TSC2: variants seen among roughly 807,000 people sequenced by gnomAD.
TSC2 encodes TSC complex subunit 2.
A neutral mutation model predicts 202.2 loss-of-function variants in TSC2; 29 were observed. The observed-to-expected ratio is 0.14, with a 90% confidence interval of 0.11 to 0.20. The LOEUF is 0.20. Among genes scored for constraint, TSC2 ranks in the 10% least tolerant of loss-of-function variants. The probability of loss-of-function intolerance (pLI) is 1.00; values close to 1 mark genes in which losing one functional copy is unlikely to be tolerated. For missense variants in TSC2, 2,429 were observed against 2,420.0 expected (o/e 1.00, Z -0.08); for synonymous variants, 1,349 against 1,044.0 (o/e 1.29, Z -5.63).
intron 5 of TSC2, chr16:2,055,128 G>T (rs2085608143): frequency 1.9e-6 from 1 of 530,822 alleles, no homozygotes; most frequent in Non-Finnish European, 3.4e-6. Flanking sequence ...TGGGCCCTGA[G>T]TGTACGGCAT....
rs968947451 is a variant in TSC2 at position 2,087,072 on chromosome 16, C to T, written c.4989+201C>T. On this transcript the variant is annotated intron_variant, in intron 38 of 41. Coordinates refer to ENST00000219476, the MANE Select transcript of TSC2 (RefSeq NM_000548.5). ...GCCCTGAAGCCTGTGGCGCCTGCTG[C>T]TGAGTGTCTGTCAGGAGTAACTGGC... 55 of 756,414 alleles carry T rather than the reference C, an allele frequency of 7.3e-5. No individual in the cohort carries two copies. The East Asian group carries it at 1.2e-3, about 16-fold the overall frequency. The allele number at this position is 756,414 out of a possible 1,614,324, so 46.9% of individuals were successfully genotyped here.
chr16:2,053,852 C>A, intron 4 of TSC2: 1 of 489,040 alleles, frequency 2.0e-6, no homozygotes, highest in Non-Finnish European at 4.0e-6. Flanking sequence ...AACACCCAGG[C>A]CTCTTGGTGT....
intron 5 of TSC2, 32 bp from the exon 6 acceptor site, chr16:2,055,370 G>A (rs372028794): frequency 6.5e-5 from 103 of 1,579,482 alleles, no homozygotes; most frequent in Middle Eastern, 3.6e-4. Flanking sequence ...TAGATTCGGC[G>A]TCCTCGCAAA....
rs2151164864 is a variant in TSC2, at chr16:2,062,574, G to T, written c.1335G>T (p.Leu445=). The T allele has an allele frequency of 6.2e-7, 1 of 1,611,106 alleles. No individual in the cohort carries two copies. Among genetic ancestry groups the T allele is most frequent in the South Asian group, 1.1e-5 (1 of 90,284 alleles). The change falls in exon 13 of 42, where the codon CTG becomes CTT. Residue 445 remains leucine (L), a synonymous_variant. Coordinates refer to ENST00000219476, the MANE Select transcript of TSC2 (RefSeq NM_000548.5). ...HPAKDGWIQN[L]QALMERFFRS... ...CCAAGGACGGCTGGATTCAGAACCT[G>T]CAGGCGCTGATGGAGAGATTCTTCA...
rs894728030 is a variant in TSC2, at chr16:2,081,962, C to T, written c.3814+164C>T. 59 of 1,027,138 alleles carry T rather than the reference C, an allele frequency of 5.7e-5. 1 individual carries two copies. Among genetic ancestry groups the T allele is most frequent in the South Asian group, 2.9e-4 (21 of 71,314 alleles). The allele number at this position is 1,027,138 out of a possible 1,614,324, so 63.6% of individuals were successfully genotyped here. ...TCCGGTGTTTGGGAGGAGGCTGACC[C>T]GTGGGAGGTGTCTGCCCTGCTCAGG... is the stretch of plus-strand genomic sequence containing the variant. On this transcript the variant is annotated intron_variant, in intron 31 of 41. Transcript: ENST00000219476.
rs2151172305 is a variant in TSC2 at position 2,063,019 on chromosome 16, C to T, written c.1409C>T (p.Ser470Phe). 6.4e-7 allele frequency: 1 copy of T among 1,551,522 alleles called. No individual in the cohort carries two copies. Among genetic ancestry groups the T allele is most frequent in the Non-Finnish European group, 8.7e-7 (1 of 1,146,928 alleles). Residue 470 changes from serine (S) to phenylalanine (F), a missense_variant, in exon 14 of 42, where the codon TCC becomes TTC. Physicochemically the swap from Ser to Phe is radical, Grantham distance 155. Coordinates refer to ENST00000219476, the MANE Select transcript of TSC2 (RefSeq NM_000548.5). ...AVRIKVLDVL[S>F]FVLLINRQFY... Reference sequence around the variant, plus strand: ...CGCATCAAGGTGCTGGACGTGCTGTCCTTTGTGCTGCTCATCAACAGGCAG... The same window carrying T: ...CGCATCAAGGTGCTGGACGTGCTGTTCTTTGTGCTGCTCATCAACAGGCAG...
chr16:2,061,856 T>C lies in TSC2; in HGVS notation c.1120-15T>C. 6.2e-7 allele frequency: 1 copy of C among 1,614,070 alleles called. No homozygotes were observed. The highest frequency in any genetic ancestry group is 8.5e-7 in the Non-Finnish European group (1 of 1,180,014). The stretch of plus-strand genomic sequence containing the variant: ...GAGTGGAAGTCAGCCTGTGTCATCG[T>C]GCCTGGTACTGCAGACCTTGGACAG... On this transcript the variant is annotated splice_polypyrimidine_tract_variant and intron_variant, in intron 11 of 41. Transcript: ENST00000219476.
rs45517215 is a variant in TSC2 at position 2,072,296 on chromosome 16, G to C, written c.2153G>C (p.Arg718Pro). ...CTGGGCAGGCTGCCTGAGTCCCTGC[G>C]CTATAAAGTGCTCATCTTTACTTCC... ...LVLGRLPESLRYKVLIFTSPC... is the reference protein window; with the variant it reads ...LVLGRLPESLPYKVLIFTSPC... Residue 718 changes from arginine to proline, a missense_variant, in exon 20 of 42, where the codon CGC (arginine) becomes CCC (proline). Arg to Pro is a moderately radical substitution (Grantham distance 103). Coordinates refer to ENST00000219476, the MANE Select transcript of TSC2 (RefSeq NM_000548.5). 9.9e-5 allele frequency: 159 copies of C among 1,613,990 alleles called. No individual in the cohort carries two copies. Among genetic ancestry groups the C allele is most frequent in the Non-Finnish European group, 2.8e-5 (33 of 1,180,046 alleles).
intron 35 of TSC2, 48 bp from the exon 36 acceptor site, chr16:2,085,182 T>G (rs558509057): frequency 6.2e-7 from 1 of 1,611,330 alleles, no homozygotes; most frequent in Non-Finnish European, 8.5e-7. Flanking sequence ...TGGGGCGGCC[T>G]CCTGTGGACG....
chr16:2,060,160 CCCCGTGA>C (rs763741327), intron 10 of TSC2, among the ~76,000 whole-genome samples: 5 of 152,152 alleles, frequency 3.3e-5, no homozygotes, highest in African/African-American at 7.2e-5. Context: ...TTCCGCAGTG[CCCCGTGA>C]TGACAGCGCT....
intron 17 of TSC2, 95 bp downstream of exon 17, chr16:2,070,673 C>T (rs1444962603): frequency 4.2e-5 from 67 of 1,582,328 alleles, no homozygotes; most frequent in Non-Finnish European, 1.6e-5. Flanking sequence ...AGAGACGGCC[C>T]CAGGATGGGG....
chr16:2,063,661 G>A (rs369482971), intron 14 of TSC2: 121 of 220,250 alleles, frequency 5.5e-4, no homozygotes, highest in Middle Eastern at 1.9e-3. Flanking sequence ...TCTCCCCAGC[G>A]TCCACTGTCC....
In TSC2 at chr16:2,071,831, C is replaced by T. The variant is rs2088458769; in HGVS notation, c.1994C>T (p.Pro665Leu). 1 of 1,596,454 alleles carries T rather than the reference C, an allele frequency of 6.3e-7. No individual in the cohort carries two copies. The highest frequency in any genetic ancestry group is 8.5e-7 in the Non-Finnish European group (1 of 1,172,172). Residue 665 changes from proline (P) to leucine (L), a missense_variant, in exon 19 of 42, where the codon CCT (proline) becomes CTT (leucine). Pro to Leu is a moderately conservative substitution (Grantham distance 98, BLOSUM62 -3). Coordinates refer to ENST00000219476, the MANE Select transcript of TSC2 (RefSeq NM_000548.5). ...SEKKTSGPLSPPTGPPGPAPA... is the reference protein window; with the variant it reads ...SEKKTSGPLSLPTGPPGPAPA... ...AAGAAGACCAGCGGCCCCCTTTCTC[C>T]TCCCACAGGGCCTCCTGGCCCGGCG...
Position 2,065,521 on chromosome 16 carries a change from G to A in TSC2, c.1602G>A (p.Val534=), listed in dbSNP as rs2151206157. 6.2e-7 allele frequency: 1 copy of A among 1,609,268 alleles called. No homozygotes were observed. The highest frequency in any genetic ancestry group is 8.5e-7 in the Non-Finnish European group (1 of 1,177,182). Residue 534 remains valine (V), a splice_region_variant and synonymous_variant, in exon 16 of 42, where the codon GTG becomes GTA. Coordinates refer to ENST00000219476, the MANE Select transcript of TSC2 (RefSeq NM_000548.5). The part of the protein sequence containing the change: ...FNSLLDIIEK[V]MARSLSPPPE... ...AAGTCCTGGCCTTCTCTTCAAAGGT[G>A]ATGGCCCGCTCCCTCTCCCCACCCC...
At chr16:2,051,905 A>G (rs1039033668) in intron 3 of TSC2, among the ~76,000 whole-genome samples, 1 of 152,158 alleles carries the variant, frequency 6.6e-6, no homozygotes, top group Non-Finnish European at 1.5e-5. Flanking sequence ...TTTCTACTAA[A>G]GATACAAAAA....
chr16:2,079,641 G>T lies in TSC2; in HGVS notation c.3369G>T (p.Gly1123=). The T allele has an allele frequency of 6.8e-6, 11 of 1,606,440 alleles. No individual in the cohort carries two copies. The highest frequency in any genetic ancestry group is 9.3e-6 in the Non-Finnish European group (11 of 1,177,426). ...ESQAGQQVSR[G]ARDRVRSMSG... ...AGGCTGGGCAGCAGGTGTCCCGTGG[G>T]GCCCGGGATCGGGTCCGTTCCATGT... is the stretch of plus-strand genomic sequence containing the variant. The change falls in exon 29 of 42, where the codon GGG becomes GGT. Residue 1123 remains glycine (G), a synonymous_variant. Transcript: ENST00000219476. The surrounding 1 kb of genome is among the most constrained non-coding windows in gnomAD (Gnocchi z 4.6).
At position 2,085,033 on chromosome 16, in the gene TSC2, G is replaced by C. The variant is rs45497598; in HGVS notation, c.4569+7G>C. On this transcript the variant is annotated splice_region_variant and intron_variant, in intron 35 of 41. Transcript: ENST00000219476. ...AATCCTGCTGCCCAATGAGGTAGGC[G>C]TGGCCTCCCTCTCCTGCATCCGCTG... 5.6e-6 allele frequency: 9 copies of C among 1,612,906 alleles called. No individual in the cohort carries two copies. The highest frequency in any genetic ancestry group is 1.3e-5 in the African/African-American group (1 of 74,926).
intron 11 of TSC2, 157 bp from the exon 12 acceptor site, chr16:2,061,714 C>T (rs1268014966): frequency 2.2e-5 from 27 of 1,233,222 alleles, no homozygotes; most frequent in Middle Eastern, 5.2e-4. Flanking sequence ...AGGCCCGGAG[C>T]GGCCTCAGAG....
rs1596443758 is a variant in TSC2, at chr16:2,086,815, T to C, written c.4933T>C (p.Phe1645Leu). ...CDKKRHLGND[F>L]VSIVYNDSGE... The stretch of plus-strand genomic sequence containing the variant: ...CAAGAAGCGCCACCTGGGCAACGAC[T>C]TTGTGTCCATTGTCTACAATGACTC... The change falls in exon 38 of 42, where the codon TTT (phenylalanine) becomes CTT (leucine). Residue 1645 changes from phenylalanine (F) to leucine (L), a missense_variant. Physicochemically the swap from Phe to Leu is conservative, Grantham distance 22. Transcript: ENST00000219476. The C allele has an allele frequency of 6.2e-7, 1 of 1,610,126 alleles. No homozygotes were observed. The highest frequency in any genetic ancestry group is 8.5e-7 in the Non-Finnish European group (1 of 1,179,030).
Sources: gnomAD v4.1 joint callset for allele counts (sites outside exome capture counted in the v4.1 genomes callset) on GRCh38, gnomAD v4.1.1 for gene constraint, Gnocchi (gnomAD v3.1) non-coding constraint, MANE v1.5 for transcripts, NCBI Gene and HGNC (gene_info 2026-07-23, HGNC 2026-07-21) for gene names.